Variants in NAP1L4 observed in about 807,000 individuals in gnomAD.
NAP1L4 encodes the protein nucleosome assembly protein 1 like 4.
A neutral mutation model predicts 58.2 loss-of-function variants in NAP1L4; 15 were observed. The ratio of observed to expected loss-of-function variants is 0.26; its 90% CI spans 0.17 to 0.40. NAP1L4 has a LOEUF of 0.40. Among genes scored for constraint, NAP1L4 ranks in the 10% least tolerant of loss-of-function variants. NAP1L4 has a pLI of 1.00. For missense variants in NAP1L4, 384 were observed against 451.1 expected, an observed-to-expected ratio of 0.85 and a Z score of 1.35; for synonymous variants, 171 against 155.6, an observed-to-expected ratio of 1.10 and a Z score of -0.74.
At chr11:2,981,513 C>A (rs1417205257) in intron 1 of NAP1L4, among the ~76,000 whole-genome samples, 1 of 151,272 alleles carries the variant, frequency 6.6e-6, no homozygotes, top group East Asian at 2.0e-4. Flanking sequence ...AAACCCAGCC[C>A]TAGTCAGTGA....
At chr11:2,978,479 A>T (rs1051705467) in intron 2 of NAP1L4, 137 bp from the exon 3 acceptor site, 12 of 684,262 alleles carry the variant, frequency 1.8e-5, no homozygotes, top group Non-Finnish European at 3.0e-5. Flanking sequence ...GAAAACTACC[A>T]ATGTGCATGT....
chr11:2,981,326 C>T (rs577099899), intron 1 of NAP1L4, among the ~76,000 whole-genome samples: 20 of 148,032 alleles, frequency 1.4e-4, no homozygotes, highest in Non-Finnish European at 2.7e-4. Context: ...AGAAGCAACA[C>T]TCGAGCCCAG....
chr11:2,951,260 T>G lies in NAP1L4; in HGVS notation c.1121A>C (p.Lys374Thr). ...EDEDDAEINPKV is the reference protein window; with the variant it reads ...EDEDDAEINPTV ...CTGGGTGGCCCCAAAGTTACCAACC[T>G]TGGGGTTAATTTCCGCATCATCCTC... is the stretch of plus-strand genomic sequence containing the variant. Residue 374 changes from lysine (K) to threonine (T), a missense_variant and splice_region_variant, in exon 14 of 16, where the codon AAG becomes ACG. Physicochemically the swap from Lys to Thr is moderately conservative, Grantham distance 78. Coordinates refer to ENST00000380542, the MANE Select transcript of NAP1L4 (RefSeq NM_005969.4). The surrounding 1 kb of genome is among the most constrained non-coding windows in gnomAD (Gnocchi z 4.0). 6.2e-7 allele frequency: 1 copy of G among 1,613,950 alleles called. No individual in the cohort carries two copies. Among genetic ancestry groups the G allele is most frequent in the South Asian group, 1.1e-5 (1 of 91,058 alleles).
At chr11:2,961,478 T>A (rs1300646353) in intron 8 of NAP1L4, among the ~76,000 whole-genome samples, 2 of 149,692 alleles carry the variant, frequency 1.3e-5, no homozygotes, top group African/African-American at 5.0e-5. Flanking sequence ...AAATGCCTAT[T>A]TCTCTCCCAA....
In NAP1L4 at chr11:2,976,109, G is replaced by C. The variant is rs1304873892; in HGVS notation, c.88C>G (p.Gln30Glu). Residue 30 changes from glutamine (Q) to glutamate (E), a missense_variant, in exon 4 of 16, where the codon CAG (glutamine) becomes GAG (glutamate). Transcript: ENST00000380542. ...NASNTEKLTD[Q>E]VMQNPRVLAA... ...AGAACTCGAGGATTCTGCATCACCT[G>C]ATCTGTGAGCTTTTCTATGAAGAGT... is the stretch of plus-strand genomic sequence containing the variant. The C allele has an allele frequency of 1.2e-6, 2 of 1,613,482 alleles. No homozygotes were observed.
At chr11:2,980,332 C>T (rs1848229775) in intron 1 of NAP1L4, among the ~76,000 whole-genome samples, 1 of 152,186 alleles carries the variant, frequency 6.6e-6, no homozygotes, top group South Asian at 2.1e-4. Context: ...GGACAACAGG[C>T]GCAGGCCACC....
chr11:2,976,181 G>C, intron 3 of NAP1L4, 58 bp from the exon 4 acceptor site: 1 of 1,359,954 alleles, frequency 7.4e-7, no homozygotes, highest in Non-Finnish European at 1.0e-6. Context: ...CAATAGCCAA[G>C]AGTCAAAAAT....
At chr11:2,974,666 T>A (rs1464168451) in intron 4 of NAP1L4, among the ~76,000 whole-genome samples, 1 of 152,096 alleles carries the variant, frequency 6.6e-6, no homozygotes, top group Non-Finnish European at 1.5e-5. Flanking sequence ...GAGGCCAAGG[T>A]GGGCAGATCA....
intron 7 of NAP1L4, among the ~76,000 whole-genome samples, chr11:2,965,907 C>T (rs1847249998): frequency 6.6e-6 from 1 of 152,170 alleles, no homozygotes; most frequent in African/African-American, 2.4e-5. Context: ...GAAGAGTGGG[C>T]ATCATGGAAG....
chr11:2,949,352 C>A lies in NAP1L4; in HGVS notation c.1123-88G>T. Reference sequence around the variant, plus strand: ...ATACAGGAGGAAACGGCCACAATTTCTCATGATACAAAAGGGCTGCAAGAT... The same window carrying A: ...ATACAGGAGGAAACGGCCACAATTTATCATGATACAAAAGGGCTGCAAGAT... On this transcript the variant is annotated intron_variant, in intron 14 of 15. Coordinates refer to ENST00000380542, the MANE Select transcript of NAP1L4 (RefSeq NM_005969.4). The surrounding 1 kb of genome is among the most constrained non-coding windows in gnomAD (Gnocchi z 4.0). 9.2e-7 allele frequency: 1 copy of A among 1,087,676 alleles called. No individual in the cohort carries two copies. Among genetic ancestry groups the A allele is most frequent in the Non-Finnish European group, 1.4e-6 (1 of 704,226 alleles). 67.4% of individuals were successfully genotyped at this position (1,087,676 alleles called of 1,614,324 possible). A position where few individuals can be genotyped will look rare whatever the true frequency, so the allele number is the denominator to read the frequency against.
chr11:2,984,166 CAA>C (rs35188952), intron 1 of NAP1L4, among the ~76,000 whole-genome samples: 9,275 of 80,214 alleles, frequency 0.12, 379 homozygotes, highest in African/African-American at 0.2. Context: ...GACCCTGCCT[CAA>C]AAAAAAAAAA....
chr11:2,976,708 A>G (rs1008233933), intron 3 of NAP1L4, among the ~76,000 whole-genome samples: 3 of 152,100 alleles, frequency 2.0e-5, no homozygotes, highest in South Asian at 2.1e-4. Context: ...ATTCCACCCC[A>G]CTTAGGGCTA....
chr11:2,976,869 G>T (rs1001796340), intron 3 of NAP1L4, among the ~76,000 whole-genome samples: 6 of 152,204 alleles, frequency 3.9e-5, no homozygotes, highest in African/African-American at 1.4e-4. Context: ...TCATGACACA[G>T]ACTCTTAACA....
At position 2,951,561 on chromosome 11, in the gene NAP1L4, T is replaced by C. The variant is rs1322509444; in HGVS notation, c.1065+219A>G. ...TTTGTTAAATGATTATTTTCTAAGA[T>C]ACATTTTCATGAACCAACTGCAGGG... On this transcript the variant is annotated intron_variant, in intron 13 of 15. Transcript: ENST00000380542. The surrounding 1 kb of genome is among the most constrained non-coding windows in gnomAD (Gnocchi z 4.0). Among the ~76,000 whole-genome samples, 1 of 152,228 alleles carries C rather than the reference T, an allele frequency of 6.6e-6. No individual in the cohort carries two copies. The highest frequency in any genetic ancestry group is 6.5e-5 in the Admixed American group (1 of 15,284).
intron 1 of NAP1L4, among the ~76,000 whole-genome samples, chr11:2,987,922 G>A (rs941271629): frequency 6.6e-6 from 1 of 152,126 alleles, no homozygotes; most frequent in Non-Finnish European, 1.5e-5. Flanking sequence ...TTAACTCACT[G>A]CTACCAAATG....
At chr11:2,972,379 G>A in intron 4 of NAP1L4, 136 bp from the exon 5 acceptor site, 3 of 654,590 alleles carry the variant, frequency 4.6e-6, no homozygotes, top group Middle Eastern at 4.6e-4. Flanking sequence ...TAAAAATTAA[G>A]AAAAGGACAA....
intron 7 of NAP1L4, among the ~76,000 whole-genome samples, chr11:2,965,836 G>A (rs944863398): frequency 2.0e-5 from 3 of 152,130 alleles, no homozygotes; most frequent in Non-Finnish European, 2.9e-5. Context: ...GGCCACACAC[G>A]GTTACTTCTT....
chr11:2,968,679 A>G (rs1847438156), intron 7 of NAP1L4, among the ~76,000 whole-genome samples: 6 of 152,194 alleles, frequency 3.9e-5, no homozygotes, highest in Admixed American at 3.9e-4. Flanking sequence ...GCAGTTTGCA[A>G]CGCACAGTGC....
rs201736247 is a variant in NAP1L4, at chr11:2,978,337, G to C, written c.20C>G (p.Ser7Ter). 3.1e-4 allele frequency: 498 copies of C among 1,613,474 alleles called. 1 individual carries two copies. The highest frequency in any genetic ancestry group is 1.6e-4 in the Middle Eastern group (1 of 6,082). Residue 7 changes from serine to a stop codon, truncating the protein, a stop_gained, in exon 3 of 16, where the codon TCA becomes TGA. Transcript: ENST00000380542. LOFTEE classifies it high-confidence loss of function. ...CACGGAATCTGAAGGAACCCCATCT[G>C]AAAAACTAAAACAACAGTATGTTTA... MADHSF[S>*]DGVPSDSVEA...
Sources: allele counts gnomAD v4.1 joint callset (sites outside exome capture counted in the v4.1 genomes callset), GRCh38; gene constraint gnomAD v4.1.1; non-coding constraint Gnocchi (gnomAD v3.1); transcripts MANE v1.5; gene names NCBI Gene and HGNC (gene_info 2026-07-23, HGNC 2026-07-21).